DNAH9: variants seen among roughly 807,000 people sequenced by gnomAD.
The protein encoded by DNAH9 is DNAH9 variant protein.
In DNAH9, 345 loss-of-function variants were observed where a neutral mutation model predicts 471.6. The ratio of observed to expected loss-of-function variants is 0.73; its 90% CI spans 0.67 to 0.80. The LOEUF is 0.80. Ranked by LOEUF, DNAH9 falls within the 30% of genes least tolerant of loss-of-function variation. The pLI, the probability that DNAH9 is intolerant of heterozygous loss-of-function variation, is 0.00. For synonymous variants in DNAH9, 2,093 were observed against 2,123.6 expected (o/e 0.99, Z 0.40); for missense variants, 5,407 against 5,609.2 (o/e 0.96, Z 1.15).
intron 57 of DNAH9, among the ~76,000 whole-genome samples, chr17:11,890,801 C>T (rs1461601813): frequency 1.3e-5 from 2 of 152,078 alleles, no homozygotes; most frequent in African/African-American, 4.8e-5. Context: ...CTCAAACTCC[C>T]GCTTCAGCTT....
At chr17:11,821,854 C>T in intron 45 of DNAH9, 66 bp from the exon 46 acceptor site, 2 of 1,549,016 alleles carry the variant, frequency 1.3e-6, no homozygotes, top group Non-Finnish European at 1.7e-6. Context: ...AGGATAACTT[C>T]CCATGTCTGA....
At chr17:11,951,189 T>C (rs995361838) in intron 67 of DNAH9, among the ~76,000 whole-genome samples, 9 of 152,230 alleles carry the variant, frequency 5.9e-5, no homozygotes, top group African/African-American at 2.2e-4. Context: ...TAATTGGCCA[T>C]TGAAAACGTC....
intron 22 of DNAH9, 28 bp downstream of exon 22, chr17:11,694,475 G>A (rs202057433): frequency 6.2e-7 from 1 of 1,612,962 alleles, no homozygotes; most frequent in Non-Finnish European, 8.5e-7. Flanking sequence ...CTGCAGAAAG[G>A]TCTAGGAGGG....
chr17:11,702,587 G>A (rs967748017), intron 24 of DNAH9, among the ~76,000 whole-genome samples: 4 of 152,214 alleles, frequency 2.6e-5, no homozygotes, highest in Non-Finnish European at 1.5e-5. Flanking sequence ...GGTCTTTTGG[G>A]AGCAGAAGGA....
chr17:11,843,861 G>GTATATATA lies in DNAH9; in HGVS notation c.9507+8964_9507+8965insATATATAT, dbSNP rs1166364623. On this transcript the variant is annotated intron_variant, in intron 49 of 68. Transcript: ENST00000262442. ...TGTGTTTGTGTGTGTGTGTGTGTGTGTGTATATATATATATATATATATAT... is the reference window on the plus strand; with the variant it reads ...TGTGTTTGTGTGTGTGTGTGTGTGTGTATATATATGTATATATATATATATATATATAT... Among the ~76,000 whole-genome samples the GTATATATA allele has an allele frequency of 3.6e-3, 193 of 54,150 alleles. 4 individuals are homozygous for GTATATATA. Among genetic ancestry groups the GTATATATA allele is most frequent in the African/African-American group, 0.012 (160 of 13,166 alleles). The allele number at this position is 54,150 out of a possible 152,430, so 35.5% of individuals were successfully genotyped here.
chr17:11,904,941 A>G (rs1243393951), intron 60 of DNAH9, among the ~76,000 whole-genome samples: 1 of 152,048 alleles, frequency 6.6e-6, no homozygotes, highest in African/African-American at 2.4e-5. Flanking sequence ...AAAATAAAAC[A>G]TGAGAGAATA....
At position 11,647,060 on chromosome 17, in the gene DNAH9, T is replaced by C; in HGVS notation, c.1971-12T>C. ...GGGCTTATGAGGTGGCTGTTGTCTC[T>C]GACCCTTGCAGGTATGAGACAAGAC... On this transcript the variant is annotated splice_polypyrimidine_tract_variant and intron_variant, in intron 11 of 68. Transcript: ENST00000262442. 1 of 1,613,268 alleles carries C rather than the reference T, an allele frequency of 6.2e-7. No homozygotes were observed. Among genetic ancestry groups the C allele is most frequent in the Non-Finnish European group, 8.5e-7 (1 of 1,179,584 alleles).
chr17:11,873,971 G>A (rs761074881), intron 52 of DNAH9, among the ~76,000 whole-genome samples: 15 of 152,120 alleles, frequency 9.9e-5, no homozygotes, highest in African/African-American at 1.7e-4. Context: ...TGAGCCCGGC[G>A]TGGTGGGTCA....
At chr17:11,653,250 C>T (rs984247047) in intron 14 of DNAH9, among the ~76,000 whole-genome samples, 2 of 152,184 alleles carry the variant, frequency 1.3e-5, no homozygotes, top group Non-Finnish European at 2.9e-5. Flanking sequence ...CACATGACTT[C>T]GGTCTCACAC....
rs1413808628 is a variant in DNAH9 at position 11,903,980 on chromosome 17, G to A, written c.11600+1068G>A. On this transcript the variant is annotated intron_variant, in intron 60 of 68. Coordinates refer to ENST00000262442, the MANE Select transcript of DNAH9 (RefSeq NM_001372.4). ...ATACTGAAATTCCTCCATTCGTAGT[G>A]GCCCCAGTACAGGCAAAGAATAGGT... Among the ~76,000 whole-genome samples the A allele has an allele frequency of 1.2e-4, 19 of 152,128 alleles. 1 individual carries two copies. The highest frequency in any genetic ancestry group is 1.2e-3 in the Admixed American group (19 of 15,270).
At chr17:11,656,789 T>A (rs1182369079) in intron 14 of DNAH9, among the ~76,000 whole-genome samples, 1 of 152,142 alleles carries the variant, frequency 6.6e-6, no homozygotes, top group Non-Finnish European at 1.5e-5. Context: ...ACTGATCAGC[T>A]TTTTGTCAAT....
chr17:11,853,841 T>G (rs1971522026), intron 49 of DNAH9, among the ~76,000 whole-genome samples, 162 bp from the exon 50 acceptor site: 1 of 152,312 alleles, frequency 6.6e-6, no homozygotes, highest in African/African-American at 2.4e-5. Flanking sequence ...GGAGTAGCTT[T>G]GGTTTCCTTT....
intron 17 of DNAH9, among the ~76,000 whole-genome samples, chr17:11,673,028 A>G (rs927743433): frequency 1.3e-5 from 2 of 152,000 alleles, no homozygotes; most frequent in African/African-American, 4.8e-5. Flanking sequence ...TAAAACCCTG[A>G]CTGTTTAAAC....
In DNAH9 at chr17:11,822,585, A is replaced by G. The variant is rs1041286264; in HGVS notation, c.8998A>G (p.Thr3000Ala). ...ESVSLRFLQN[T>A]EGIEPTVKQS... ...TGTCAGCCTCCGCTTCTTGCAGAAC[A>G]CAGAGGGCATTGAGGTGAGAGAGAA... Residue 3000 changes from threonine (T) to alanine (A), a missense_variant, in exon 47 of 69, where the codon ACA becomes GCA. Thr to Ala is a moderately conservative substitution (Grantham distance 58, BLOSUM62 0). Transcript: ENST00000262442. 1.6e-5 allele frequency: 26 copies of G among 1,614,040 alleles called. No homozygotes were observed. Among genetic ancestry groups the G allele is most frequent in the Non-Finnish European group, 2.1e-5 (25 of 1,180,034 alleles).
At chr17:11,894,040 A>T (rs1045775845) in intron 58 of DNAH9, among the ~76,000 whole-genome samples, 1 of 152,160 alleles carries the variant, frequency 6.6e-6, no homozygotes, top group African/African-American at 2.4e-5. Context: ...TTCTCCTCAG[A>T]TCATGTCATT....
At chr17:11,826,549 C>T (rs1970502124) in intron 48 of DNAH9, among the ~76,000 whole-genome samples, 1 of 144,898 alleles carries the variant, frequency 6.9e-6, no homozygotes, top group Admixed American at 7.1e-5. Flanking sequence ...CAAGCTCTGC[C>T]TCCCGGGTTC....
intron 28 of DNAH9, among the ~76,000 whole-genome samples, chr17:11,738,632 T>G (rs1403756442): frequency 6.6e-6 from 1 of 152,150 alleles, no homozygotes; most frequent in East Asian, 1.9e-4. Context: ...CTGCCCGCCT[T>G]GGCCTCCCAA....
chr17:11,879,965 T>G (rs1244240635), intron 53 of DNAH9, 113 bp from the exon 54 acceptor site: 20 of 1,272,546 alleles, frequency 1.6e-5, no homozygotes, highest in Non-Finnish European at 2.1e-5. Flanking sequence ...TCCAAATAGC[T>G]GTGCCTCCAA....
chr17:11,928,134 CATTT>C (rs1555525768), intron 62 of DNAH9, among the ~76,000 whole-genome samples: 9 of 149,074 alleles, frequency 6.0e-5, no homozygotes, highest in Middle Eastern at 3.4e-3. Flanking sequence ...TTCATTCATT[CATTT>C]ATTTATTTAT....
Sources: allele counts gnomAD v4.1 joint callset (sites outside exome capture counted in the v4.1 genomes callset), GRCh38; gene constraint gnomAD v4.1.1; transcripts MANE v1.5; gene names NCBI Gene and HGNC (gene_info 2026-07-23, HGNC 2026-07-21).